Variants in SQSTM1 observed in about 807,000 individuals in gnomAD.
SQSTM1 encodes sequestosome-1.
Under a neutral mutation model 45.1 loss-of-function variants are expected in SQSTM1, and 36 were observed. That is an observed-to-expected ratio of 0.80 (90% CI 0.61 to 1.05). The LOEUF is 1.05. Among genes scored for constraint, SQSTM1 ranks in the 50% least tolerant of loss-of-function variants. SQSTM1 has a pLI of 0.00. For missense variants in SQSTM1, 617 were observed against 607.1 expected (o/e 1.02, Z -0.17); for synonymous variants, 290 against 244.3 (o/e 1.19, Z -1.74).
chr5:179,825,163 G>A lies in SQSTM1; in HGVS notation c.691G>A (p.Asp231Asn), dbSNP rs754194273. 2 of 1,614,086 alleles carry A rather than the reference G, an allele frequency of 1.2e-6. No homozygotes were observed. Among genetic ancestry groups the A allele is most frequent in the South Asian group, 2.2e-5 (2 of 91,086 alleles). Reference sequence around the variant, plus strand: ...AATCAAAGCTTCTGGTCCATCGGAGGATCCGAGTGTGAATTTCCTGAAGAA... The same window carrying A: ...AATCAAAGCTTCTGGTCCATCGGAGAATCCGAGTGTGAATTTCCTGAAGAA... ...TAESASGPSEDPSVNFLKNVG... is the reference protein window; with the variant it reads ...TAESASGPSENPSVNFLKNVG... Residue 231 changes from aspartate to asparagine, a missense_variant, in exon 5 of 8, where the codon GAT (aspartate) becomes AAT (asparagine). Asp to Asn is a conservative substitution (Grantham distance 23). Transcript: ENST00000389805.
At chr5:179,817,424 C>T (rs1052957413), upstream of SQSTM1, among the ~76,000 whole-genome samples, 3 of 152,202 alleles carry the variant, frequency 2.0e-5, no homozygotes, top group Non-Finnish European at 2.9e-5. Flanking sequence ...CTCAGTGCCC[C>T]TGAGGGCCCA....
intron 7 of SQSTM1, among the ~76,000 whole-genome samples, chr5:179,834,802 T>A (rs1182752550): frequency 1.3e-5 from 2 of 152,242 alleles, no homozygotes; most frequent in Admixed American, 6.5e-5. Context: ...CATGTCTACT[T>A]CTTTCCACAC....
chr5:179,828,040 T>C (rs1384187211), intron 5 of SQSTM1, among the ~76,000 whole-genome samples: 1 of 152,150 alleles, frequency 6.6e-6, no homozygotes, highest in Non-Finnish European at 1.5e-5. Flanking sequence ...GGTCGTGGGA[T>C]CTTTGATAAA....
upstream of SQSTM1, among the ~76,000 whole-genome samples, chr5:179,819,713 G>A (rs1368417466): frequency 2.0e-5 from 3 of 152,140 alleles, no homozygotes; most frequent in Non-Finnish European, 4.4e-5. Flanking sequence ...ACTCTCCACC[G>A]CCGGATGCAG....
At chr5:179,815,086 G>A (rs1757540644), upstream of SQSTM1, among the ~76,000 whole-genome samples, 1 of 152,006 alleles carries the variant, frequency 6.6e-6, no homozygotes, top group African/African-American at 2.4e-5. Context: ...TATTGTGACT[G>A]TTTCTGGCCT....
At chr5:179,809,592 C>T (rs1221086513) in intron 1 of SQSTM1, among the ~76,000 whole-genome samples, 2 of 148,798 alleles carry the variant, frequency 1.3e-5, no homozygotes, top group Non-Finnish European at 3.0e-5. Context: ...CTGCTTCAGC[C>T]TCCCAAAGTG....
chr5:179,828,353 CTTTT>C (rs71001051), intron 5 of SQSTM1, among the ~76,000 whole-genome samples: 1 of 138,176 alleles, frequency 7.2e-6, no homozygotes, highest in Non-Finnish European at 1.6e-5. Context: ...TTGTTTCAAC[CTTTT>C]TTTTTTCTTA....
At position 179,837,803 on chromosome 5, in the gene SQSTM1, T is replaced by TC. The variant is rs1165868817; in HGVS notation, c.*1214dup. 3.7e-6 allele frequency: 6 copies of TC among 1,613,898 alleles called. No individual in the cohort carries two copies. The Admixed American group carries it at 8.3e-5, about 22-fold the overall frequency. ...TAGCTCCTTCCCAGGACCCCTCAGCTCCCCGGCACTGCAGTCTGCAGAGTT... is the reference window on the plus strand; with the variant it reads ...TAGCTCCTTCCCAGGACCCCTCAGCTCCCCCGGCACTGCAGTCTGCAGAGTT... On this transcript the variant is annotated 3_prime_UTR_variant, in exon 8 of 8. Transcript: ENST00000389805.
chr5:179,809,065 G>A (rs960474346), intron 1 of SQSTM1, among the ~76,000 whole-genome samples: 3 of 149,228 alleles, frequency 2.0e-5, no homozygotes, highest in Admixed American at 1.3e-4. Context: ...CACCGTGTTA[G>A]CCAGGATGGT....
chr5:179,833,759 C>T lies in SQSTM1; in HGVS notation c.1142C>T (p.Ala381Val), dbSNP rs772122047. The part of the protein sequence containing the change: ...QEGPTGLKEA[A>V]LYPHLPPEAD... ...GGACCCACAGGGCTGAAGGAAGCTG[C>T]CTTGTACCCACATCTCCCGCCAGGC... The change falls in exon 7 of 8, where the codon GCC (alanine) becomes GTC (valine). Residue 381 changes from alanine to valine, a missense_variant. Coordinates refer to ENST00000389805, the MANE Select transcript of SQSTM1 (RefSeq NM_003900.5). 1.7e-5 allele frequency: 27 copies of T among 1,613,968 alleles called. No individual in the cohort carries two copies. Among genetic ancestry groups the T allele is most frequent in the Non-Finnish European group, 2.1e-5 (25 of 1,180,016 alleles).
At chr5:179,829,259 C>A (rs948385418) in intron 5 of SQSTM1, among the ~76,000 whole-genome samples, 1 of 152,214 alleles carries the variant, frequency 6.6e-6, no homozygotes, top group Admixed American at 6.5e-5. Context: ...GTTCCCTGGC[C>A]AGGCAGGAGG....
At chr5:179,825,255 C>G in intron 5 of SQSTM1, 29 bp downstream of exon 5, 1 of 1,565,600 alleles carries the variant, frequency 6.4e-7, no homozygotes, top group Non-Finnish European at 8.8e-7. Flanking sequence ...CCAGTGCTTC[C>G]CTAACTCAGC....
At position 179,837,210 on chromosome 5, in the gene SQSTM1, A is replaced by T. The variant is rs976696373; in HGVS notation, c.*617A>T. 1.9e-6 allele frequency: 3 copies of T among 1,574,656 alleles called. No homozygotes were observed. Among genetic ancestry groups the T allele is most frequent in the Non-Finnish European group, 2.6e-6 (3 of 1,165,480 alleles). ...AAGATCTCTTTGTAGCCATCCTGTT[A>T]AATTTGTAAACAATCTAATTAAATG... On this transcript the variant is annotated 3_prime_UTR_variant, in exon 8 of 8. Coordinates refer to ENST00000389805, the MANE Select transcript of SQSTM1 (RefSeq NM_003900.5).
rs1195825884 is a variant in SQSTM1 at position 179,834,237 on chromosome 5, G to T, written c.1165+455G>T. Among the ~76,000 whole-genome samples the T allele has an allele frequency of 1.2e-4, 10 of 84,138 alleles. 1 individual carries two copies. The highest frequency in any genetic ancestry group is 6.3e-4 in the African/African-American group (10 of 15,998). The allele number at this position is 84,138 out of a possible 152,430, so 55.2% of individuals were successfully genotyped here. The stretch of plus-strand genomic sequence containing the variant: ...AGTGGATGGTGTGGCAGGCAGCAGT[G>T]GGGGGGTGGGGGGTGGGGACAGCTG... On this transcript the variant is annotated intron_variant, in intron 7 of 7. Transcript: ENST00000389805.
chr5:179,808,890 C>A (rs1364607237), intron 1 of SQSTM1, among the ~76,000 whole-genome samples: 1 of 146,028 alleles, frequency 6.8e-6, no homozygotes, highest in Admixed American at 6.9e-5. Context: ...CGGAGTCTTG[C>A]TCTGTCGCCC....
intron 5 of SQSTM1, among the ~76,000 whole-genome samples, chr5:179,826,110 G>C (rs1470374167): frequency 1.3e-5 from 2 of 152,086 alleles, no homozygotes; most frequent in Non-Finnish European, 2.9e-5. Flanking sequence ...AACCATGCCT[G>C]CTGCCTCCTG....
Position 179,837,821 on chromosome 5 carries a change from G to C in SQSTM1, c.*1228G>C. On this transcript the variant is annotated 3_prime_UTR_variant, in exon 8 of 8. Transcript: ENST00000389805. The stretch of plus-strand genomic sequence containing the variant: ...CCTCAGCTCCCCGGCACTGCAGTCT[G>C]CAGAGTTCTCCTGGAGGCAGGGGCT... The C allele has an allele frequency of 6.2e-7, 1 of 1,613,356 alleles. No individual in the cohort carries two copies. Among genetic ancestry groups the C allele is most frequent in the East Asian group, 2.2e-5 (1 of 44,882 alleles).
intron 6 of SQSTM1, 21 bp downstream of exon 6, chr5:179,833,267 C>T (rs1758332094): frequency 6.5e-7 from 1 of 1,548,108 alleles, no homozygotes; most frequent in South Asian, 1.2e-5. Context: ...GCCCCTCCCG[C>T]CACCTGGGAC....
chr5:179,810,050 C>T (rs1400893248), intron 1 of SQSTM1, among the ~76,000 whole-genome samples: 1 of 152,186 alleles, frequency 6.6e-6, no homozygotes, highest in African/African-American at 2.4e-5. Context: ...CCTCAGAGTG[C>T]TGGGATTACA....
Sources: allele counts gnomAD v4.1 joint callset (sites outside exome capture counted in the v4.1 genomes callset), GRCh38; gene constraint gnomAD v4.1.1; transcripts MANE v1.5; gene names NCBI Gene and HGNC (gene_info 2026-07-23, HGNC 2026-07-21).